Variants in INPP4B observed in about 807,000 individuals in gnomAD.
INPP4B encodes the protein inositol polyphosphate-4-phosphatase type II B, also known as inositol polyphosphate 4-phosphatase type II.
In INPP4B, 55 loss-of-function variants were observed where a neutral mutation model predicts 122.5. The observed-to-expected ratio is 0.45, with a 90% CI of 0.36 to 0.56. The LOEUF is 0.56. INPP4B is among the 20% of genes least tolerant of loss of function. INPP4B has a pLI of 0.00. For missense variants in INPP4B, 1,000 were observed against 1,097.7 expected, an observed-to-expected ratio of 0.91 and a Z score of 1.26; for synonymous variants, 403 against 388.7, an observed-to-expected ratio of 1.04 and a Z score of -0.43.
intron 11 of INPP4B, among the ~76,000 whole-genome samples, chr4:142,238,886 C>A (rs1857867349): frequency 6.6e-6 from 1 of 152,112 alleles, no homozygotes; most frequent in Non-Finnish European, 1.5e-5. Flanking sequence ...CTATGTCACA[C>A]TTACACACCA....
chr4:142,806,847 G>T (rs1313783809), intron 1 of INPP4B, among the ~76,000 whole-genome samples: 4 of 149,832 alleles, frequency 2.7e-5, no homozygotes, highest in Non-Finnish European at 4.4e-5. Context: ...AAGAAAGAAA[G>T]AAAGGAGAAG....
intron 2 of INPP4B, among the ~76,000 whole-genome samples, chr4:142,493,418 A>T (rs1822127686): frequency 6.6e-6 from 1 of 152,196 alleles, no homozygotes. Context: ...AAAGCCACAG[A>T]CACTCAATAC....
At chr4:142,318,172 A>T (rs537060971) in intron 7 of INPP4B, among the ~76,000 whole-genome samples, 1 of 152,240 alleles carries the variant, frequency 6.6e-6, no homozygotes, top group Admixed American at 6.5e-5. Context: ...AGCACTGCAA[A>T]CAGTACGTGA....
In INPP4B at chr4:142,145,953, A is replaced by G. The variant is rs1482695993; in HGVS notation, c.1607T>C (p.Ile536Thr). Residue 536 changes from isoleucine (I) to threonine (T), a missense_variant, in exon 18 of 26, where the codon ATT becomes ACT. By Grantham distance (89) the Ile-to-Thr change is moderately conservative. Coordinates refer to ENST00000262992, the MANE Select transcript of INPP4B (RefSeq NM_001101669.3). ...ANVGKSLNCI[I>T]AMVDKLIERD... ...TTCAATCAGTTTGTCCACCATAGCAATAATGCAGTTCAGGCTCTTCCCCAC... is the reference window on the plus strand; with the variant it reads ...TTCAATCAGTTTGTCCACCATAGCAGTAATGCAGTTCAGGCTCTTCCCCAC... The G allele has an allele frequency of 2.5e-6, 4 of 1,613,884 alleles. No homozygotes were observed. Among genetic ancestry groups the G allele is most frequent in the Non-Finnish European group, 3.4e-6 (4 of 1,179,800 alleles).
intron 1 of INPP4B, among the ~76,000 whole-genome samples, chr4:142,835,305 A>AT (rs1782645750): frequency 6.6e-6 from 1 of 152,184 alleles, no homozygotes; most frequent in Non-Finnish European, 1.5e-5. Context: ...CCTGAGATAA[A>AT]TAAGTCTCAG....
intron 11 of INPP4B, among the ~76,000 whole-genome samples, chr4:142,239,567 T>TA (rs1858278550): frequency 6.6e-6 from 1 of 152,078 alleles, no homozygotes; most frequent in Non-Finnish European, 1.5e-5. Context: ...TAAAAGAAAA[T>TA]AAAAAGTTTT....
intron 25 of INPP4B, among the ~76,000 whole-genome samples, chr4:142,051,266 A>C (rs1438925182): frequency 6.6e-6 from 1 of 152,016 alleles, no homozygotes; most frequent in Non-Finnish European, 1.5e-5. Context: ...TAATACCTTT[A>C]CTTTATCATC....
chr4:142,124,894 C>G, intron 18 of INPP4B, 134 bp from the exon 19 acceptor site: 1 of 673,624 alleles, frequency 1.5e-6, no homozygotes, highest in South Asian at 3.1e-5. Flanking sequence ...AAGATTAGAG[C>G]TGAAGATCTC....
At chr4:142,660,405 A>C (rs776422464) in intron 2 of INPP4B, among the ~76,000 whole-genome samples, 85 of 152,032 alleles carry the variant, frequency 5.6e-4, no homozygotes, top group Non-Finnish European at 1.1e-3. Context: ...ACCCCTTAAA[A>C]TGTATCCTGA....
At chr4:142,223,972 C>T (rs575700176) in intron 12 of INPP4B, among the ~76,000 whole-genome samples, 1 of 152,194 alleles carries the variant, frequency 6.6e-6, no homozygotes, top group East Asian at 1.9e-4. Flanking sequence ...GTAGCTGCTC[C>T]CTATTGCTTT....
intron 8 of INPP4B, among the ~76,000 whole-genome samples, chr4:142,308,575 T>G (rs1764297451): frequency 6.6e-6 from 1 of 152,140 alleles, no homozygotes; most frequent in Non-Finnish European, 1.5e-5. Flanking sequence ...ATCTTTTATC[T>G]ATGTGAATAC....
rs115321497 is a variant in INPP4B, at chr4:142,527,125, A to G, written c.-190-64399T>C. Among the ~76,000 whole-genome samples, 1,085 of 152,104 alleles carry G rather than the reference A, an allele frequency of 7.1e-3. 8 individuals carry two copies. Among genetic ancestry groups the G allele is most frequent in the South Asian group, 0.019 (91 of 4,822 alleles). On this transcript the variant is annotated intron_variant, in intron 2 of 25. Transcript: ENST00000262992. ...TATGAAATTCGACTGCATGAAAGACAAAACAGCTAGCAATGATTTTATCTT... is the reference window on the plus strand; with the variant it reads ...TATGAAATTCGACTGCATGAAAGACGAAACAGCTAGCAATGATTTTATCTT...
intron 18 of INPP4B, among the ~76,000 whole-genome samples, chr4:142,138,066 G>A (rs952797629): frequency 1.3e-5 from 2 of 151,868 alleles, no homozygotes; most frequent in East Asian, 3.9e-4. Context: ...AAATCATGCT[G>A]CTATAAAGAC....
chr4:142,598,167 T>C (rs1739115406), intron 2 of INPP4B, among the ~76,000 whole-genome samples: 1 of 152,134 alleles, frequency 6.6e-6, no homozygotes, highest in African/African-American at 2.4e-5. Flanking sequence ...TCAGTTGATA[T>C]TGGCCAGGAG....
chr4:142,370,662 G>T (rs1789557856), intron 7 of INPP4B, among the ~76,000 whole-genome samples: 1 of 151,468 alleles, frequency 6.6e-6, no homozygotes, highest in Non-Finnish European at 1.5e-5. Context: ...AACTGAAAAA[G>T]AAATCAAGAA....
At chr4:142,794,957 C>CATAT (rs10676551) in intron 1 of INPP4B, among the ~76,000 whole-genome samples, 13 of 151,128 alleles carry the variant, frequency 8.6e-5, no homozygotes, top group African/African-American at 2.7e-4. Flanking sequence ...TGTGTATATA[C>CATAT]ATATATATAT....
intron 2 of INPP4B, among the ~76,000 whole-genome samples, chr4:142,541,829 T>C (rs1295884968): frequency 1.3e-5 from 2 of 152,156 alleles, no homozygotes; most frequent in Non-Finnish European, 2.9e-5. Flanking sequence ...AGCTTATTTC[T>C]GCAGTGCATG....
intron 14 of INPP4B, among the ~76,000 whole-genome samples, chr4:142,198,226 C>A (rs1000255941): frequency 3.9e-5 from 6 of 151,990 alleles, no homozygotes; most frequent in African/African-American, 1.4e-4. Context: ...TGAACACACA[C>A]TATTTTCAAG....
chr4:142,287,009 CTTTAA>C (rs1754032340), intron 9 of INPP4B: 1 of 152,168 alleles, frequency 6.6e-6, no homozygotes, highest in African/African-American at 2.4e-5. Context: ...TTCCTCTTGT[CTTTAA>C]TTTCTTTCTT....
Sources: gnomAD v4.1 joint callset for allele counts (sites outside exome capture counted in the v4.1 genomes callset) on GRCh38, gnomAD v4.1.1 for gene constraint, MANE v1.5 for transcripts, NCBI Gene and HGNC (gene_info 2026-07-23, HGNC 2026-07-21) for gene names.